The following POC1B variants were observed in gnomAD, a reference collection of about 807,000 sequenced individuals.
POC1B encodes POC1 centriolar protein homolog B.
A neutral mutation model predicts 60.6 loss-of-function variants in POC1B; 44 were observed. The ratio of observed to expected loss-of-function variants is 0.73; its 90% confidence interval spans 0.57 to 0.93. The LOEUF (loss-of-function observed/expected upper bound fraction) is 0.93. Ranked by LOEUF, POC1B falls within the 40% of genes least tolerant of loss-of-function variation. The pLI is 0.00. For synonymous variants in POC1B, 180 were observed against 198.9 expected, an observed-to-expected ratio of 0.90 and a Z score of 0.80; for missense variants, 555 against 572.3, an observed-to-expected ratio of 0.97 and a Z score of 0.31.
At chr12:89,442,122 C>T (rs1881550691) in intron 10 of POC1B, among the ~76,000 whole-genome samples, 2 of 152,282 alleles carry the variant, frequency 1.3e-5, no homozygotes, top group Middle Eastern at 3.4e-3. Flanking sequence ...ACCAAATCTA[C>T]GTCTGACTGG....
At chr12:89,447,847 G>C (rs182004934) in intron 10 of POC1B, among the ~76,000 whole-genome samples, 35 of 152,104 alleles carry the variant, frequency 2.3e-4, no homozygotes, top group Non-Finnish European at 4.0e-4. Context: ...TCCACCTATG[G>C]GGACAAGGTG....
In POC1B at chr12:89,523,572, C is replaced by T. The variant is rs200228838; in HGVS notation, c.100+1548G>A. The stretch of plus-strand genomic sequence containing the variant: ...CCCACACTTCCATTCCTGTGTCATA[C>T]GTTCCAAGGTACTGAAAATATTTCT... On this transcript the variant is annotated intron_variant, in intron 2 of 11. Coordinates refer to ENST00000313546, the MANE Select transcript of POC1B (RefSeq NM_172240.3). 1,193 of 1,590,228 alleles carry T rather than the reference C, an allele frequency of 7.5e-4. 10 individuals are homozygous for T. Among genetic ancestry groups the T allele is most frequent in the Middle Eastern group, 7.5e-3 (44 of 5,882 alleles).
At chr12:89,444,299 C>T (rs1258968282) in intron 10 of POC1B, among the ~76,000 whole-genome samples, 1 of 151,950 alleles carries the variant, frequency 6.6e-6, no homozygotes, top group East Asian at 1.9e-4. Flanking sequence ...AGAGACACAA[C>T]GAAAAAAGAA....
intron 10 of POC1B, chr12:89,428,816 A>C (rs940803294): frequency 3.9e-5 from 6 of 152,192 alleles, no homozygotes; most frequent in Non-Finnish European, 8.8e-5. Flanking sequence ...TCGGCCTCCC[A>C]AAGTGCTGGG....
At chr12:89,498,770 T>C (rs1355506715) in intron 2 of POC1B, among the ~76,000 whole-genome samples, 1 of 152,158 alleles carries the variant, frequency 6.6e-6, no homozygotes, top group Non-Finnish European at 1.5e-5. Context: ...TGATGAGTTA[T>C]CATATGTAAT....
At position 89,451,383 on chromosome 12, in the gene POC1B, T is replaced by C. The variant is rs555123516; in HGVS notation, c.1113+8255A>G. Among the ~76,000 whole-genome samples, 16 of 152,284 alleles carry C rather than the reference T, an allele frequency of 1.1e-4. No homozygotes were observed. The South Asian group carries it at 2.1e-3, about 20-fold the overall frequency. ...TGAGTAAAAGAAAAACAAAATACTCTAGGAATTAACACAAAAAATAGAAAA... is the reference window on the plus strand; with the variant it reads ...TGAGTAAAAGAAAAACAAAATACTCCAGGAATTAACACAAAAAATAGAAAA... On this transcript the variant is annotated intron_variant, in intron 10 of 11. Transcript: ENST00000313546.
rs60679774 is a variant in POC1B at position 89,514,402 on chromosome 12, CTTTTTTTTT to C, written c.100+10709_100+10717del. 6.0e-5 allele frequency among the ~76,000 whole-genome samples: 4 copies of C among 67,094 alleles called. No homozygotes were observed. The South Asian group carries it at 2.8e-3, about 47-fold the overall frequency. The allele number at this position is 67,094 out of a possible 152,430, so 44.0% of individuals were successfully genotyped here. On this transcript the variant is annotated intron_variant, in intron 2 of 11. Transcript: ENST00000313546. ...ATAAGTTACTCAGTTTCATGTATTT[CTTTTTTTTT>C]TTTTTTTTTTTTTTTTAGACGAAGT... is the stretch of plus-strand genomic sequence containing the variant.
rs976182986 is a variant in POC1B at position 89,455,735 on chromosome 12, A to C, written c.1113+3903T>G. Among the ~76,000 whole-genome samples, 3 of 152,208 alleles carry C rather than the reference A, an allele frequency of 2.0e-5. No homozygotes were observed. In the East Asian group the frequency reaches 5.8e-4, roughly 29 times the overall value. ...TGAAAGAAATAATATCCCTACTTCT[A>C]AAGAAAGGCATACACATATTCTGCA... On this transcript the variant is annotated intron_variant, in intron 10 of 11. Coordinates refer to ENST00000313546, the MANE Select transcript of POC1B (RefSeq NM_172240.3).
chr12:89,516,138 T>G (rs1274635037), intron 2 of POC1B, among the ~76,000 whole-genome samples: 1 of 152,214 alleles, frequency 6.6e-6, no homozygotes. Flanking sequence ...AATGACTATT[T>G]AATATTGTCT....
intron 10 of POC1B, among the ~76,000 whole-genome samples, chr12:89,452,638 T>TA (rs1454763267): frequency 6.6e-6 from 1 of 152,098 alleles, no homozygotes; most frequent in Non-Finnish European, 1.5e-5. Flanking sequence ...CAGTATATCT[T>TA]AAAAAAATTG....
At chr12:89,403,460 G>T in the POC1B span, among the ~76,000 whole-genome samples, 1 of 152,026 alleles carries the variant, frequency 6.6e-6, no homozygotes, top group Non-Finnish European at 1.5e-5. Flanking sequence ...GTCACTTTGT[G>T]GTATGAGTGA....
intron 2 of POC1B, among the ~76,000 whole-genome samples, chr12:89,502,900 G>C (rs1869647414): frequency 6.6e-6 from 1 of 152,040 alleles, no homozygotes; most frequent in Admixed American, 6.6e-5. Flanking sequence ...AAAATCTCCT[G>C]AATGAGGAAA....
intron 2 of POC1B, chr12:89,502,001 G>A (rs1869595056): frequency 1.0e-6 from 1 of 966,794 alleles, no homozygotes; most frequent in Admixed American, 1.7e-5. Flanking sequence ...AATCTGGATT[G>A]TTCTAGATCT....
chr12:89,475,923 T>A (rs1883084557), intron 4 of POC1B, among the ~76,000 whole-genome samples: 1 of 147,484 alleles, frequency 6.8e-6, no homozygotes, highest in South Asian at 2.2e-4. Context: ...TTTTTTTTTT[T>A]TTTTTTTTTT....
At position 89,472,149 on chromosome 12, in the gene POC1B, A is replaced by C. The variant is rs778891575; in HGVS notation, c.560+19T>G. 1.4e-6 allele frequency: 2 copies of C among 1,457,770 alleles called. No homozygotes were observed. Among genetic ancestry groups the C allele is most frequent in the South Asian group, 1.2e-5 (1 of 82,144 alleles). The allele number at this position is 1,457,770 out of a possible 1,614,324, so 90.3% of individuals were successfully genotyped here. On this transcript the variant is annotated intron_variant, in intron 5 of 11. Transcript: ENST00000313546. Reference sequence around the variant, plus strand: ...TTAGAAAACTAACCCACATAAATGCACAAAGAAAGTGTACTTACCCAACGG... The same window carrying C: ...TTAGAAAACTAACCCACATAAATGCCCAAAGAAAGTGTACTTACCCAACGG...
chr12:89,491,198 CT>C (rs1868947698), intron 4 of POC1B, among the ~76,000 whole-genome samples: 1 of 152,184 alleles, frequency 6.6e-6, no homozygotes, highest in African/African-American at 2.4e-5. Flanking sequence ...CTTGCTTCTC[CT>C]ATCCAGAACA....
chr12:89,452,374 T>G (rs1232872110), intron 10 of POC1B, among the ~76,000 whole-genome samples: 5 of 152,268 alleles, frequency 3.3e-5, no homozygotes, highest in Admixed American at 1.3e-4. Context: ...GGCTCCCAAA[T>G]AGCATGATTT....
chr12:89,428,380 G>C (rs1880864440), intron 10 of POC1B: 1 of 152,166 alleles, frequency 6.6e-6, no homozygotes, highest in African/African-American at 2.4e-5. Flanking sequence ...CTCCAGCATG[G>C]CATCCTGATG....
intron 2 of POC1B, among the ~76,000 whole-genome samples, chr12:89,502,960 A>G (rs887863557): frequency 6.6e-6 from 1 of 152,300 alleles, no homozygotes; most frequent in African/African-American, 2.4e-5. Context: ...ACCAACCTTA[A>G]ATATATGTGT....
Sources: gnomAD v4.1 joint callset for allele counts (sites outside exome capture counted in the v4.1 genomes callset) on GRCh38, gnomAD v4.1.1 for gene constraint, MANE v1.5 for transcripts, NCBI Gene and HGNC (gene_info 2026-07-23, HGNC 2026-07-21) for gene names.